PPP1CC: variants seen among roughly 807,000 people sequenced by gnomAD.
The protein encoded by PPP1CC is serine/threonine-protein phosphatase PP1-gamma catalytic subunit.
In PPP1CC, 16 loss-of-function variants were observed where a neutral mutation model predicts 38.4. That is an observed-to-expected ratio of 0.42 (90% CI 0.28 to 0.63). The LOEUF (loss-of-function observed/expected upper bound fraction) is 0.63, where lower values mean the gene tolerates loss of function less well. Among genes scored for constraint, PPP1CC ranks in the 30% least tolerant of loss-of-function variants. PPP1CC has a pLI of 0.25. For missense variants in PPP1CC, 170 were observed against 391.3 expected (o/e 0.43, Z 4.77); for synonymous variants, 158 against 136.0 (o/e 1.16, Z -1.13).
chr12:110,742,603 T>A, intron 1 of PPP1CC, 50 bp downstream of exon 1: 1 of 1,387,464 alleles, frequency 7.2e-7, no homozygotes, highest in Non-Finnish European at 9.5e-7. Flanking sequence ...CGGGGCCGCC[T>A]GCCGCCCTCA....
downstream of PPP1CC, among the ~76,000 whole-genome samples, chr12:110,717,720 CT>C (rs1291026906): frequency 2.6e-5 from 4 of 152,150 alleles, no homozygotes; most frequent in East Asian, 7.7e-4. Flanking sequence ...TGGAAGTTTT[CT>C]TTAATGTCTT....
intron 1 of PPP1CC, among the ~76,000 whole-genome samples, chr12:110,737,477 C>CAAAAAAAAAAAAAAAAAAAAAA (rs71083137): frequency 4.7e-4 from 20 of 42,476 alleles, no homozygotes; most frequent in African/African-American, 1.3e-3. Context: ...AAGAAAGACT[C>CAAAAAAAAAAAAAAAAAAAAAA]AAAAAAAAAA....
downstream of PPP1CC, among the ~76,000 whole-genome samples, chr12:110,717,161 C>A (rs1175139215): frequency 1.3e-5 from 2 of 152,140 alleles, no homozygotes; most frequent in East Asian, 3.8e-4. Context: ...GTGGGCTAAT[C>A]CTCACAATCC....
In PPP1CC at chr12:110,742,635, G is replaced by T. The variant is rs751001207; in HGVS notation, c.55+18C>A. 1 of 1,042,222 alleles carries T rather than the reference G, an allele frequency of 9.6e-7. No individual in the cohort carries two copies. Among genetic ancestry groups the T allele is most frequent in the Non-Finnish European group, 1.3e-6 (1 of 775,710 alleles). 64.6% of individuals were successfully genotyped at this position (1,042,222 alleles called of 1,614,324 possible). ...CTCAGGCCCGCCTCCCCCTTCAGCC[G>T]CCCGCCGCCCCCCTTACCTTCCAGC... is the stretch of plus-strand genomic sequence containing the variant. On this transcript the variant is annotated intron_variant, in intron 1 of 6. Transcript: ENST00000335007.
At position 110,742,382 on chromosome 12, in the gene PPP1CC, C is replaced by G. The variant is rs557351791; in HGVS notation, c.55+271G>C. On this transcript the variant is annotated intron_variant, in intron 1 of 6. Transcript: ENST00000335007. Reference sequence around the variant, plus strand: ...GGGCGGGAAACGTGGGGGTGGGGAGCGGAGTTTTCAAATTCCACGGCCGGG... The same window carrying G: ...GGGCGGGAAACGTGGGGGTGGGGAGGGGAGTTTTCAAATTCCACGGCCGGG... 8.5e-5 allele frequency among the ~76,000 whole-genome samples: 13 copies of G among 152,178 alleles called. 1 individual carries two copies. Among genetic ancestry groups the G allele is most frequent in the South Asian group, 6.2e-4 (3 of 4,812 alleles).
Position 110,720,457 on chromosome 12 carries a change from C to T in PPP1CC, c.*619G>A, listed in dbSNP as rs1355417973. 3 of 444,948 alleles carry T rather than the reference C, an allele frequency of 6.7e-6. No individual in the cohort carries two copies. The Admixed American group carries it at 1.2e-4, about 17-fold the overall frequency. 27.6% of individuals were successfully genotyped at this position (444,948 alleles called of 1,614,324 possible). ...CAAATATTTAAAAGAATGGCTTTGTCATTTTAAGTATACGGTCGGGGAAAA... is the reference window on the plus strand; with the variant it reads ...CAAATATTTAAAAGAATGGCTTTGTTATTTTAAGTATACGGTCGGGGAAAA... On this transcript the variant is annotated 3_prime_UTR_variant, in exon 7 of 7. Transcript: ENST00000335007.
At chr12:110,735,203 GCCA>G (rs1012854612) in intron 1 of PPP1CC, among the ~76,000 whole-genome samples, 1 of 151,316 alleles carries the variant, frequency 6.6e-6, no homozygotes, top group African/African-American at 2.4e-5. Context: ...ATAGGCGTGC[GCCA>G]CCGTGCCTGG....
At chr12:110,735,316 T>C (rs1169657087) in intron 1 of PPP1CC, among the ~76,000 whole-genome samples, 3 of 152,120 alleles carry the variant, frequency 2.0e-5, no homozygotes, top group African/African-American at 4.8e-5. Flanking sequence ...CTAAGGGCTT[T>C]ATATTGCCAT....
At position 110,720,508 on chromosome 12, in the gene PPP1CC, T is replaced by C; in HGVS notation, c.*568A>G. The C allele has an allele frequency of 6.7e-6, 2 of 297,202 alleles. No individual in the cohort carries two copies. The highest frequency in any genetic ancestry group is 1.3e-5 in the Non-Finnish European group (2 of 159,392). 18.4% of individuals were successfully genotyped at this position (297,202 alleles called of 1,614,324 possible). On this transcript the variant is annotated 3_prime_UTR_variant, in exon 7 of 7. Coordinates refer to ENST00000335007, the MANE Select transcript of PPP1CC (RefSeq NM_002710.4). ...GTGTGCTTTAATTAAATATACATCA[T>C]ACCAGTGATGCTGGCAAGGTTGAAA...
At chr12:110,728,716 C>T (rs1344400848) in intron 3 of PPP1CC, among the ~76,000 whole-genome samples, 1 of 152,158 alleles carries the variant, frequency 6.6e-6, no homozygotes, top group African/African-American at 2.4e-5. Flanking sequence ...ATATTGAATA[C>T]CTTTCATGTA....
downstream of PPP1CC, among the ~76,000 whole-genome samples, chr12:110,717,914 A>G (rs2069700279): frequency 6.6e-6 from 1 of 152,122 alleles, no homozygotes; most frequent in Admixed American, 6.6e-5. Context: ...ACTTCCCTGC[A>G]ATGGTTCCTT....
intron 1 of PPP1CC, among the ~76,000 whole-genome samples, chr12:110,740,102 A>G (rs1009759022): frequency 8.5e-5 from 13 of 152,168 alleles, no homozygotes; most frequent in African/African-American, 3.1e-4. Context: ...TTAAGACTTC[A>G]CTTTTCAGTT....
chr12:110,722,387 C>A lies in PPP1CC; in HGVS notation c.747+85G>T. On this transcript the variant is annotated intron_variant, in intron 5 of 6. Transcript: ENST00000335007. The surrounding 1 kb of genome is among the most constrained non-coding windows in gnomAD (Gnocchi z 5.4). ...TCCAGAAACACTTTGTATAAATAAG[C>A]AATACCTACCCACCAAAATCAACAA... The A allele has an allele frequency of 6.4e-7, 1 of 1,555,122 alleles. No homozygotes were observed. Among genetic ancestry groups the A allele is most frequent in the Non-Finnish European group, 8.8e-7 (1 of 1,129,978 alleles).
At chr12:110,733,877 A>G (rs2136559404) in intron 1 of PPP1CC, among the ~76,000 whole-genome samples, 1 of 152,342 alleles carries the variant, frequency 6.6e-6, no homozygotes, top group South Asian at 2.1e-4. Context: ...ATCAACAAAC[A>G]TGGTCTGAAA....
the PPP1CC span, among the ~76,000 whole-genome samples, chr12:110,709,371 G>A: frequency 6.6e-6 from 1 of 151,732 alleles, no homozygotes; most frequent in Non-Finnish European, 1.5e-5. Flanking sequence ...TGGGATTACA[G>A]GCATGTGCCA....
At chr12:110,740,317 G>T (rs1352241297) in intron 1 of PPP1CC, among the ~76,000 whole-genome samples, 1 of 152,120 alleles carries the variant, frequency 6.6e-6, no homozygotes, top group Non-Finnish European at 1.5e-5. Flanking sequence ...CGGGCACGGT[G>T]GCTCATGACT....
chr12:110,737,699 C>A (rs1281046552), intron 1 of PPP1CC, among the ~76,000 whole-genome samples: 1 of 151,696 alleles, frequency 6.6e-6, no homozygotes, highest in Non-Finnish European at 1.5e-5. Flanking sequence ...AATCCCAGCA[C>A]TTTGGGAGGC....
intron 1 of PPP1CC, among the ~76,000 whole-genome samples, chr12:110,734,486 G>A (rs1298240942): frequency 2.6e-5 from 4 of 152,132 alleles, no homozygotes; most frequent in African/African-American, 9.7e-5. Context: ...TGGGATTACA[G>A]GCATGCGCCA....
At chr12:110,719,661 C>T (rs951860875), downstream of PPP1CC, 5 of 153,052 alleles carry the variant, frequency 3.3e-5, no homozygotes, top group African/African-American at 1.2e-4. Flanking sequence ...CCCATCTCCC[C>T]AAATGGTAGA....
Sources: gnomAD v4.1 joint callset for allele counts (sites outside exome capture counted in the v4.1 genomes callset) on GRCh38, gnomAD v4.1.1 for gene constraint, Gnocchi (gnomAD v3.1) non-coding constraint, MANE v1.5 for transcripts, NCBI Gene and HGNC (gene_info 2026-07-23, HGNC 2026-07-21) for gene names.